TCF12: variants seen among roughly 807,000 people sequenced by gnomAD.
TCF12 encodes the protein transcription factor 12.
A neutral mutation model predicts 86.0 loss-of-function variants in TCF12; 45 were observed. That is an observed-to-expected ratio of 0.52 (90% confidence interval 0.41 to 0.67). The LOEUF is 0.67. TCF12 is among the 30% of genes least tolerant of loss of function. The pLI is 0.00. For missense variants in TCF12, 881 were observed against 859.9 expected (o/e 1.02, Z -0.31); for synonymous variants, 330 against 299.6 (o/e 1.10, Z -1.05).
chr15:57,075,790 C>G, intron 4 of TCF12, among the ~76,000 whole-genome samples: 1 of 58,216 alleles, frequency 1.7e-5, no homozygotes, highest in Non-Finnish European at 3.2e-5. Flanking sequence ...TTCTTTCTTT[C>G]TTTCTTTCTT....
At chr15:57,173,904 C>T (rs2055716045) in intron 6 of TCF12, among the ~76,000 whole-genome samples, 1 of 152,006 alleles carries the variant, frequency 6.6e-6, no homozygotes, top group African/African-American at 2.4e-5. Context: ...GATGGGGTTT[C>T]ACCATATTGG....
chr15:57,040,776 A>G (rs1029871563), intron 3 of TCF12, among the ~76,000 whole-genome samples: 4 of 152,194 alleles, frequency 2.6e-5, no homozygotes. Flanking sequence ...TGCCTTGATT[A>G]GGGTGAAAAA....
At chr15:57,251,568 A>G (rs2152010202) in intron 14 of TCF12, 145 bp downstream of exon 14, 1 of 768,674 alleles carries the variant, frequency 1.3e-6, no homozygotes, top group Middle Eastern at 3.0e-4. Flanking sequence ...TGAACAATAT[A>G]AGACACATTG....
At chr15:57,277,702 C>A (rs2061468047) in intron 19 of TCF12, among the ~76,000 whole-genome samples, 1 of 151,498 alleles carries the variant, frequency 6.6e-6, no homozygotes, top group Non-Finnish European at 1.5e-5. Flanking sequence ...AGTGGGAGGC[C>A]AAGGCAGGAG....
intron 3 of TCF12, among the ~76,000 whole-genome samples, chr15:57,035,902 G>C (rs1312813047): frequency 6.6e-6 from 1 of 152,144 alleles, no homozygotes; most frequent in Non-Finnish European, 1.5e-5. Flanking sequence ...CCACCTCCCA[G>C]ATCAGCAGCG....
At chr15:57,063,366 T>A (rs1386556705) in intron 3 of TCF12, among the ~76,000 whole-genome samples, 1 of 152,222 alleles carries the variant, frequency 6.6e-6, no homozygotes, top group East Asian at 1.9e-4. Flanking sequence ...TTTCTAGGGC[T>A]TAACTATGAA....
intron 8 of TCF12, among the ~76,000 whole-genome samples, chr15:57,204,028 A>G (rs16977308): frequency 0.051 from 7,717 of 151,948 alleles, 549 homozygotes; most frequent in African/African-American, 0.16. Context: ...CTCCACCACT[A>G]TAAGGAGCTT....
At chr15:57,116,341 G>T (rs935462870) in intron 5 of TCF12, among the ~76,000 whole-genome samples, 1 of 152,136 alleles carries the variant, frequency 6.6e-6, no homozygotes, top group East Asian at 1.9e-4. Context: ...TTTTACTGTG[G>T]TATATTTTTT....
intron 19 of TCF12, among the ~76,000 whole-genome samples, chr15:57,273,910 T>G (rs955017046): frequency 3.6e-4 from 55 of 152,328 alleles, no homozygotes; most frequent in Non-Finnish European, 2.9e-5. Flanking sequence ...GAAGAAACTT[T>G]GAAACTTCAT....
intron 3 of TCF12, among the ~76,000 whole-genome samples, chr15:57,058,767 C>T (rs2962990): frequency 0.55 from 84,007 of 151,956 alleles, 23,592 homozygotes; most frequent in Admixed American, 0.61. Context: ...TGTAGCATAA[C>T]AAAGCACTTG....
In TCF12 at chr15:57,232,784, G is replaced by A. The variant is rs12442879; in HGVS notation, c.898G>A (p.Gly300Ser). The A allele has an allele frequency of 0.039, 63,194 of 1,612,244 alleles. 3,004 individuals carry two copies. Among genetic ancestry groups the A allele is most frequent in the Admixed American group, 0.24 (14,313 of 59,702 alleles). ...SLPPMSSFHR[G>S]STSSSPYVAA... ...TCCACCAATGTCCAGCTTTCATCGC[G>A]GCAGTACCAGCAGTTCACCTTACGT... Residue 300 changes from glycine to serine, a missense_variant, in exon 11 of 21, where the codon GGC becomes AGC. By Grantham distance (56) the Gly-to-Ser change is moderately conservative. Around this residue, in one of 3 missense-constraint regions of TCF12, gnomAD observed 766 missense variants for 718.9 expected, o/e 1.07. Coordinates refer to ENST00000333725, the MANE Select transcript of TCF12 (RefSeq NM_207037.2).
intron 6 of TCF12, among the ~76,000 whole-genome samples, chr15:57,175,262 T>A (rs1291594608): frequency 6.6e-6 from 1 of 152,024 alleles, no homozygotes; most frequent in East Asian, 1.9e-4. Context: ...CTCAAGTGAT[T>A]GAGGGGTATC....
rs556956794 is a variant in TCF12, at chr15:57,188,856, A to T, written c.391-3302A>T. On this transcript the variant is annotated intron_variant, in intron 6 of 20. Coordinates refer to ENST00000333725, the MANE Select transcript of TCF12 (RefSeq NM_207037.2). Reference sequence around the variant, plus strand: ...TGGGCTGGAATGCAGTGGCATTATCATAGTTCATGCAGCCTTAACCTCCCA... The same window carrying T: ...TGGGCTGGAATGCAGTGGCATTATCTTAGTTCATGCAGCCTTAACCTCCCA... 7.2e-4 allele frequency among the ~76,000 whole-genome samples: 110 copies of T among 152,348 alleles called. 1 individual carries two copies. Among genetic ancestry groups the T allele is most frequent in the African/African-American group, 2.5e-3 (103 of 41,574 alleles).
chr15:57,242,772 G>C (rs1235958898), intron 12 of TCF12, among the ~76,000 whole-genome samples: 1 of 152,166 alleles, frequency 6.6e-6, no homozygotes, highest in Non-Finnish European at 1.5e-5. Flanking sequence ...AAAAGTTTGA[G>C]CCAGAATACC....
intron 18 of TCF12, among the ~76,000 whole-genome samples, chr15:57,267,238 C>G (rs932683565): frequency 6.6e-6 from 1 of 152,162 alleles, no homozygotes; most frequent in African/African-American, 2.4e-5. Flanking sequence ...CTGTCATTCA[C>G]AACTTAAAAG....
intron 6 of TCF12, among the ~76,000 whole-genome samples, chr15:57,180,170 T>G (rs1437028708): frequency 6.6e-6 from 1 of 152,160 alleles, no homozygotes; most frequent in Non-Finnish European, 1.5e-5. Context: ...TTGTAGAAAA[T>G]TAACAGAAGA....
intron 8 of TCF12, among the ~76,000 whole-genome samples, chr15:57,205,252 A>G (rs903418608): frequency 1.3e-5 from 2 of 152,060 alleles, no homozygotes; most frequent in African/African-American, 4.8e-5. Context: ...GCAGTGAGCC[A>G]GGATCACGCC....
At chr15:57,225,169 G>GC (rs1300466718) in intron 8 of TCF12, among the ~76,000 whole-genome samples, 2 of 148,426 alleles carry the variant, frequency 1.3e-5, no homozygotes, top group Non-Finnish European at 3.0e-5. Context: ...AAGTGAGAAG[G>GC]CCTAAGTTTC....
At chr15:57,276,605 T>C (rs1198033134) in intron 19 of TCF12, among the ~76,000 whole-genome samples, 4 of 152,106 alleles carry the variant, frequency 2.6e-5, no homozygotes, top group Admixed American at 6.5e-5. Flanking sequence ...AATCATGAAA[T>C]TTCAGAGCAT....
Sources: gnomAD v4.1 joint callset for allele counts (sites outside exome capture counted in the v4.1 genomes callset) on GRCh38, gnomAD v4.1.1 for gene constraint, gnomAD v4.1.1 regional missense constraint, MANE v1.5 for transcripts, NCBI Gene and HGNC (gene_info 2026-07-23, HGNC 2026-07-21) for gene names.